DEF6: variants seen among roughly 807,000 people sequenced by gnomAD.
The protein encoded by DEF6 is DEF6 guanine nucleotide exchange factor.
A neutral mutation model predicts 80.5 loss-of-function variants in DEF6; 32 were observed. The ratio of observed to expected loss-of-function variants is 0.40; its 90% CI spans 0.30 to 0.53. The LOEUF (loss-of-function observed/expected upper bound fraction) is 0.53, where lower values mean the gene tolerates loss of function less well. DEF6 is among the 20% of genes least tolerant of loss of function. The pLI, the probability that DEF6 is intolerant of heterozygous loss-of-function variation, is 0.57. For missense variants in DEF6, 575 were observed against 818.7 expected, an observed-to-expected ratio of 0.70 and a Z score of 3.63; for synonymous variants, 300 against 337.9, an observed-to-expected ratio of 0.89 and a Z score of 1.23.
At chr6:35,301,825 C>G (rs1298068787) in intron 1 of DEF6, among the ~76,000 whole-genome samples, 2 of 150,148 alleles carry the variant, frequency 1.3e-5, no homozygotes, top group Non-Finnish European at 2.9e-5. Flanking sequence ...CTCCCAGGTT[C>G]AAGTGATTCT....
At chr6:35,310,343 C>G (rs752442702) in intron 2 of DEF6, 116 bp from the exon 3 acceptor site, 2 of 1,116,184 alleles carry the variant, frequency 1.8e-6, no homozygotes, top group African/African-American at 1.5e-5. Context: ...AGTTAGGGCC[C>G]TGGACTTGGC....
At chr6:35,310,306 C>G (rs1189411432) in intron 2 of DEF6, among the ~76,000 whole-genome samples, 153 bp from the exon 3 acceptor site, 1 of 152,070 alleles carries the variant, frequency 6.6e-6, no homozygotes, top group East Asian at 1.9e-4. Flanking sequence ...CAGCTAGTTA[C>G]CTGGTAATCA....
rs1582236089 is a variant in DEF6, at chr6:35,321,512, T to G, written c.*102T>G. ...CTCTTACTAGGAGAGGGAGCTGAGG[T>G]CCTGGTGCCAGGGGCCCAGGCCCTC... On this transcript the variant is annotated 3_prime_UTR_variant, in exon 11 of 11. Coordinates refer to ENST00000316637, the MANE Select transcript of DEF6 (RefSeq NM_022047.4). 1 of 1,151,374 alleles carries G rather than the reference T, an allele frequency of 8.7e-7. No homozygotes were observed. Among genetic ancestry groups the G allele is most frequent in the Non-Finnish European group, 1.2e-6 (1 of 813,450 alleles). 71.3% of individuals were successfully genotyped at this position (1,151,374 alleles called of 1,614,324 possible).
chr6:35,306,318 CTGGTCAACA>C (rs1791389559), intron 1 of DEF6, among the ~76,000 whole-genome samples: 1 of 151,474 alleles, frequency 6.6e-6, no homozygotes, highest in African/African-American at 2.4e-5. Flanking sequence ...TGAGACCAGC[CTGGTCAACA>C]TGGCAAAACC....
Position 35,312,725 on chromosome 6 carries a change from A to G in DEF6, c.760A>G (p.Lys254Glu). The change falls in exon 5 of 11, where the codon AAA becomes GAA. Residue 254 changes from lysine to glutamate, a missense_variant. Coordinates refer to ENST00000316637, the MANE Select transcript of DEF6 (RefSeq NM_022047.4). This position sits in a 1 kb window ranked among gnomAD's most constrained non-coding sequence, Gnocchi z 6.6. ...CLCYFGSEEC[K>E]EKRGIIPLDA... ...CTGCTACTTTGGGAGTGAAGAGTGC[A>G]AAGAGAAAAGGGGCATTATCCCGCT... The G allele has an allele frequency of 1.9e-6, 3 of 1,613,296 alleles. No individual in the cohort carries two copies. Among genetic ancestry groups the G allele is most frequent in the Non-Finnish European group, 2.5e-6 (3 of 1,179,658 alleles).
intron 1 of DEF6, among the ~76,000 whole-genome samples, chr6:35,300,138 C>A (rs560486694): frequency 6.6e-6 from 1 of 152,220 alleles, no homozygotes; most frequent in African/African-American, 2.4e-5. Context: ...CTTCCTACTT[C>A]AGCCTCCTGA....
At position 35,319,615 on chromosome 6, in the gene DEF6, A is replaced by G; in HGVS notation, c.1307A>G (p.Gln436Arg). The change falls in exon 8 of 11, where the codon CAG becomes CGG. Residue 436 changes from glutamine (Q) to arginine (R), a missense_variant. By Grantham distance (43) the Gln-to-Arg change is conservative (BLOSUM62 1). Coordinates refer to ENST00000316637, the MANE Select transcript of DEF6 (RefSeq NM_022047.4). The surrounding 1 kb of genome is among the most constrained non-coding windows in gnomAD (Gnocchi z 4.5). ...ATCAAGGAGCTGGAGGAGATGCAGC[A>G]GCGGTTGCAGGAGGCCCTGCAACTA... ...QRIKELEEMQQRLQEALQLEV... is the reference protein window; with the variant it reads ...QRIKELEEMQRRLQEALQLEV... 1.2e-6 allele frequency: 2 copies of G among 1,614,098 alleles called. No individual in the cohort carries two copies. Among genetic ancestry groups the G allele is most frequent in the Middle Eastern group, 3.3e-4 (2 of 6,062 alleles).
chr6:35,297,971 C>G lies in DEF6; in HGVS notation c.96+19C>G, dbSNP rs776936734. Reference sequence around the variant, plus strand: ...GCTCAAGGTGAGGGGCACCCGGGACCCGGGGGAGGACGGCAGATGCACCAC... The same window carrying G: ...GCTCAAGGTGAGGGGCACCCGGGACGCGGGGGAGGACGGCAGATGCACCAC... On this transcript the variant is annotated intron_variant, in intron 1 of 10. Coordinates refer to ENST00000316637, the MANE Select transcript of DEF6 (RefSeq NM_022047.4). 4 of 1,577,036 alleles carry G rather than the reference C, an allele frequency of 2.5e-6. No homozygotes were observed. The African/African-American group carries it at 4.0e-5, about 16-fold the overall frequency.
rs539849075 is a variant in DEF6 at position 35,312,408 on chromosome 6, G to C, written c.530G>C (p.Gly177Ala). The C allele has an allele frequency of 1.4e-5, 23 of 1,614,170 alleles. No individual in the cohort carries two copies. In the South Asian group the frequency reaches 2.1e-4, roughly 15 times the overall value. ...AQEAQVAQTT[G>A]GLSVWQFLEL... Reference sequence around the variant, plus strand: ...GAGGCCCAGGTGGCCCAGACCACCGGGGGGCTCAGCGTCTGGCAGTTCCTG... The same window carrying C: ...GAGGCCCAGGTGGCCCAGACCACCGCGGGGCTCAGCGTCTGGCAGTTCCTG... Residue 177 changes from glycine to alanine, a missense_variant, in exon 4 of 11, where the codon GGG becomes GCG. Coordinates refer to ENST00000316637, the MANE Select transcript of DEF6 (RefSeq NM_022047.4). This position sits in a 1 kb window ranked among gnomAD's most constrained non-coding sequence, Gnocchi z 6.6.
Position 35,321,345 on chromosome 6 carries a change from G to C in DEF6, c.1831G>C (p.Asp611His). 6.2e-7 allele frequency: 1 copy of C among 1,614,140 alleles called. No individual in the cohort carries two copies. Among genetic ancestry groups the C allele is most frequent in the Non-Finnish European group, 8.5e-7 (1 of 1,180,008 alleles). Residue 611 changes from aspartate (D) to histidine (H), a missense_variant, in exon 11 of 11, where the codon GAT becomes CAT. Transcript: ENST00000316637. ...NEQQKSLNGG[D>H]EAPAPASTPQ... ...GCAGCAGAAGTCCCTCAATGGTGGG[G>C]ATGAGGCTCCTGCCCCGGCTTCCAC...
rs1446389032 is a variant in DEF6, at chr6:35,297,901, T to C, written c.45T>C (p.Phe15=). ...TGCTCAAGTCCATCTGGTACGCCTT[T>C]ACCGCGCTGGACGTGGAGAAGAGTG... is the stretch of plus-strand genomic sequence containing the variant. ...KELLKSIWYA[F]TALDVEKSGK... is the part of the protein sequence containing the mutation. The change falls in exon 1 of 11, where the codon TTT becomes TTC. Residue 15 remains phenylalanine (F), a synonymous_variant. Transcript: ENST00000316637. The C allele has an allele frequency of 3.1e-6, 5 of 1,608,258 alleles. No individual in the cohort carries two copies. The highest frequency in any genetic ancestry group is 1.7e-5 in the Admixed American group (1 of 59,154).
In DEF6 at chr6:35,319,097, G is replaced by A. The variant is rs984829017; in HGVS notation, c.1216-427G>A. Among the ~76,000 whole-genome samples, 5 of 152,026 alleles carry A rather than the reference G, an allele frequency of 3.3e-5. No individual in the cohort carries two copies. Among genetic ancestry groups the A allele is most frequent in the African/African-American group, 9.7e-5 (4 of 41,350 alleles). On this transcript the variant is annotated intron_variant, in intron 7 of 10. Transcript: ENST00000316637. This position sits in a 1 kb window ranked among gnomAD's most constrained non-coding sequence, Gnocchi z 4.5. The stretch of plus-strand genomic sequence containing the variant: ...AGGATTAAATGAGGAAACACTTGTA[G>A]TGTCCAGTAACTTTTTGTTGTAATA...
chr6:35,313,287 T>C, intron 5 of DEF6: 1 of 425,374 alleles, frequency 2.4e-6, no homozygotes, highest in Non-Finnish European at 4.6e-6. Context: ...TTTTAACTAT[T>C]TTAAGCGTAC....
rs1386651259 is a variant in DEF6 at position 35,312,767 on chromosome 6, G to A, written c.802G>A (p.Val268Met). 6 of 1,611,558 alleles carry A rather than the reference G, an allele frequency of 3.7e-6. No individual in the cohort carries two copies. Among genetic ancestry groups the A allele is most frequent in the Non-Finnish European group, 5.1e-6 (6 of 1,178,934 alleles). ...GIIPLDAHCC[V>M]EVLPDRDGKR... Reference sequence around the variant, plus strand: ...TATCCCGCTGGATGCACACTGCTGCGTGGAGGTGAGGGGCAGGATGGGGGT... The same window carrying A: ...TATCCCGCTGGATGCACACTGCTGCATGGAGGTGAGGGGCAGGATGGGGGT... Residue 268 changes from valine (V) to methionine (M), a missense_variant, in exon 5 of 11, where the codon GTG (valine) becomes ATG (methionine). By Grantham distance (21) the Val-to-Met change is conservative. Transcript: ENST00000316637. This position sits in a 1 kb window ranked among gnomAD's most constrained non-coding sequence, Gnocchi z 6.6.
intron 5 of DEF6, 28 bp from the exon 6 acceptor site, chr6:35,317,863 C>T (rs1377356824): frequency 6.2e-7 from 1 of 1,602,716 alleles, no homozygotes; most frequent in Non-Finnish European, 8.5e-7. Flanking sequence ...TGAGGCCAGC[C>T]TGGCTGCGGC....
Position 35,318,421 on chromosome 6 carries a change from C to G in DEF6, c.1165C>G (p.His389Asp), listed in dbSNP as rs947807174. ...QEEEERRRSQ[H>D]RELQQALEGQ... Reference sequence around the variant, plus strand: ...GGAGGAGGAACGGCGCCGCAGCCAGCACCGCGAGCTGCAGCAGGCGCTCGA... The same window carrying G: ...GGAGGAGGAACGGCGCCGCAGCCAGGACCGCGAGCTGCAGCAGGCGCTCGA... Residue 389 changes from histidine to aspartate, a missense_variant, in exon 7 of 11, where the codon CAC becomes GAC. Physicochemically the swap from His to Asp is moderately conservative, Grantham distance 81. Transcript: ENST00000316637. The surrounding 1 kb of genome is among the most constrained non-coding windows in gnomAD (Gnocchi z 5.1). 1 of 1,512,520 alleles carries G rather than the reference C, an allele frequency of 6.6e-7. No individual in the cohort carries two copies. Among genetic ancestry groups the G allele is most frequent in the African/African-American group, 1.4e-5 (1 of 70,758 alleles). The allele number at this position is 1,512,520 out of a possible 1,614,324, so 93.7% of individuals were successfully genotyped here.
At position 35,321,538 on chromosome 6, in the gene DEF6, C is replaced by A; in HGVS notation, c.*128C>A. 1.3e-6 allele frequency: 1 copy of A among 791,302 alleles called. No homozygotes were observed. Among genetic ancestry groups the A allele is most frequent in the Non-Finnish European group, 2.0e-6 (1 of 501,820 alleles). The allele number at this position is 791,302 out of a possible 1,614,324, so 49.0% of individuals were successfully genotyped here. Reference sequence around the variant, plus strand: ...CCTGGTGCCAGGGGCCCAGGCCCTCCAACCATAAACAGTCCAGGATGGAAC... The same window carrying A: ...CCTGGTGCCAGGGGCCCAGGCCCTCAAACCATAAACAGTCCAGGATGGAAC... On this transcript the variant is annotated 3_prime_UTR_variant, in exon 11 of 11. Transcript: ENST00000316637.
At chr6:35,298,523 C>G (rs1791271993) in intron 1 of DEF6, among the ~76,000 whole-genome samples, 1 of 152,158 alleles carries the variant, frequency 6.6e-6, no homozygotes, top group Admixed American at 6.5e-5. Flanking sequence ...CAGCTCACCC[C>G]CCTATCCACC....
Position 35,319,431 on chromosome 6 carries a change from T to A in DEF6, c.1216-93T>A. The A allele has an allele frequency of 1.1e-6, 1 of 930,616 alleles. No homozygotes were observed. The highest frequency in any genetic ancestry group is 1.6e-6 in the Non-Finnish European group (1 of 611,654). The allele number at this position is 930,616 out of a possible 1,614,324, so 57.6% of individuals were successfully genotyped here. A position where few individuals can be genotyped will look rare whatever the true frequency, so the allele number is the denominator to read the frequency against. ...AAGGAGTTCCCCAGACCCTCACCCC[T>A]AGGCAGCTTAGCAACATGCCCACCC... On this transcript the variant is annotated intron_variant, in intron 7 of 10. Coordinates refer to ENST00000316637, the MANE Select transcript of DEF6 (RefSeq NM_022047.4). The surrounding 1 kb of genome is among the most constrained non-coding windows in gnomAD (Gnocchi z 4.5).
Sources: gnomAD v4.1 joint callset for allele counts (sites outside exome capture counted in the v4.1 genomes callset) on GRCh38, gnomAD v4.1.1 for gene constraint, Gnocchi (gnomAD v3.1) non-coding constraint, MANE v1.5 for transcripts, NCBI Gene and HGNC (gene_info 2026-07-23, HGNC 2026-07-21) for gene names.